C10orf90: variants seen among roughly 807,000 people sequenced by gnomAD.
The protein encoded by C10orf90 is chromosome 10 open reading frame 90.
C10orf90 carries 56 observed loss-of-function variants against 62.5 expected under a neutral mutation model. The ratio of observed to expected loss-of-function variants is 0.90; its 90% CI spans 0.72 to 1.12. C10orf90 has a LOEUF of 1.12. C10orf90 is among the 50% of genes most tolerant of loss of function. The probability of loss-of-function intolerance (pLI) is 0.00; values close to 1 mark genes in which losing one functional copy is unlikely to be tolerated. For missense variants in C10orf90, 970 were observed against 880.4 expected, an observed-to-expected ratio of 1.10 and a Z score of -1.29; for synonymous variants, 386 against 340.4, an observed-to-expected ratio of 1.13 and a Z score of -1.47.
rs1290174114 is a variant in C10orf90, at chr10:126,504,563, G to C, written c.928C>G (p.His310Asp). Residue 310 changes from histidine to aspartate, a missense_variant, in exon 4 of 10, where the codon CAC (histidine) becomes GAC (aspartate). His to Asp is a moderately conservative substitution (Grantham distance 81, BLOSUM62 -1). Coordinates refer to ENST00000488181, the MANE Select transcript of C10orf90 (RefSeq NM_001350921.2). The surrounding 1 kb of genome is among the most constrained non-coding windows in gnomAD (Gnocchi z 4.1). Reference sequence around the variant, plus strand: ...TTGCGTCTCTCACACAACCCAGTGTGGGCCTCGGGAACCTTCAGCCGCACC... The same window carrying C: ...TTGCGTCTCTCACACAACCCAGTGTCGGCCTCGGGAACCTTCAGCCGCACC... ...SVVRLKVPEAHTGLCERRKYW... is the reference protein window; with the variant it reads ...SVVRLKVPEADTGLCERRKYW... The C allele has an allele frequency of 1.2e-6, 2 of 1,614,048 alleles. No individual in the cohort carries two copies. The highest frequency in any genetic ancestry group is 2.2e-5 in the East Asian group (1 of 44,868).
chr10:126,503,881 T>G, intron 4 of C10orf90, 76 bp downstream of exon 4: 1 of 1,510,868 alleles, frequency 6.6e-7, no homozygotes. Context: ...AAGTTTTGTA[T>G]AAGAAATTCA....
intron 2 of C10orf90, among the ~76,000 whole-genome samples, chr10:126,571,682 AG>A: frequency 6.6e-6 from 1 of 152,230 alleles, no homozygotes; most frequent in Non-Finnish European, 1.5e-5. Context: ...GGGTGGGTTG[AG>A]GGGGAAGGTA....
chr10:126,649,223 C>T (rs1027789847), intron 1 of C10orf90, among the ~76,000 whole-genome samples: 6 of 152,262 alleles, frequency 3.9e-5, no homozygotes, highest in South Asian at 2.1e-4. Flanking sequence ...GATTCAGGAA[C>T]TTCTTTCGTC....
chr10:126,623,895 G>A (rs1845694283), intron 2 of C10orf90, among the ~76,000 whole-genome samples: 1 of 151,414 alleles, frequency 6.6e-6, no homozygotes, highest in Admixed American at 6.6e-5. Context: ...TTTGCTCCAG[G>A]CTACAGTCCC....
Position 126,456,313 on chromosome 10 carries a change from C to T in C10orf90, c.2188+2727G>A, listed in dbSNP as rs1378011256. On this transcript the variant is annotated intron_variant, in intron 7 of 9. Transcript: ENST00000488181. The surrounding 1 kb of genome is among the most constrained non-coding windows in gnomAD (Gnocchi z 4.9). ...CAAACGAACCCAAAAGTAAAGCTCTCATCGACACATAAATACGGCAGGGAT... is the reference window on the plus strand; with the variant it reads ...CAAACGAACCCAAAAGTAAAGCTCTTATCGACACATAAATACGGCAGGGAT... 1.3e-5 allele frequency among the ~76,000 whole-genome samples: 2 copies of T among 152,234 alleles called. No homozygotes were observed. Among genetic ancestry groups the T allele is most frequent in the Admixed American group, 6.5e-5 (1 of 15,304 alleles).
intron 4 of C10orf90, among the ~76,000 whole-genome samples, chr10:126,480,361 C>A (rs1221089341): frequency 6.6e-6 from 1 of 152,214 alleles, no homozygotes; most frequent in Admixed American, 6.5e-5. Context: ...ATAGTAATTT[C>A]TAATTTGGCA....
At chr10:126,629,011 G>A (rs141146499) in intron 2 of C10orf90, among the ~76,000 whole-genome samples, 3 of 152,242 alleles carry the variant, frequency 2.0e-5, no homozygotes, top group South Asian at 2.1e-4. Flanking sequence ...TGTAAGAATC[G>A]GGGCTCTTAA....
At chr10:126,578,778 C>T (rs1218369578) in intron 2 of C10orf90, among the ~76,000 whole-genome samples, 1 of 152,140 alleles carries the variant, frequency 6.6e-6, no homozygotes, top group African/African-American at 2.4e-5. Flanking sequence ...AATAAATGAA[C>T]ACAATACAAC....
At chr10:126,510,980 TTGCTGCTC>T (rs1863072894) in intron 3 of C10orf90, among the ~76,000 whole-genome samples, 1 of 152,196 alleles carries the variant, frequency 6.6e-6, no homozygotes, top group South Asian at 2.1e-4. Context: ...TTTTTCCCCA[TTGCTGCTC>T]TGCAGCCTAC....
intron 1 of C10orf90, among the ~76,000 whole-genome samples, chr10:126,668,959 T>C (rs1335982274): frequency 6.6e-6 from 1 of 152,146 alleles, no homozygotes; most frequent in African/African-American, 2.4e-5. Context: ...AAAACGAGAA[T>C]GCCAGATCTA....
At chr10:126,662,762 C>T (rs993290436) in intron 1 of C10orf90, among the ~76,000 whole-genome samples, 4 of 150,370 alleles carry the variant, frequency 2.7e-5, no homozygotes, top group African/African-American at 7.4e-5. Flanking sequence ...TGTGTAGACA[C>T]CCTGGCCTGG....
intron 3 of C10orf90, among the ~76,000 whole-genome samples, chr10:126,508,910 T>A (rs1212399105): frequency 6.6e-6 from 1 of 152,104 alleles, no homozygotes; most frequent in African/African-American, 2.4e-5. Flanking sequence ...GAATGTCATC[T>A]CACCCTGGAA....
At chr10:126,617,024 C>T (rs1476920665) in intron 2 of C10orf90, among the ~76,000 whole-genome samples, 1 of 152,174 alleles carries the variant, frequency 6.6e-6, no homozygotes, top group Non-Finnish European at 1.5e-5. Context: ...TCTCGGACAT[C>T]ATTTGCAGTC....
At chr10:126,605,392 C>T (rs549067767) in intron 2 of C10orf90, among the ~76,000 whole-genome samples, 40 of 152,212 alleles carry the variant, frequency 2.6e-4, no homozygotes, top group Non-Finnish European at 5.1e-4. Context: ...AAAGCCCTGC[C>T]AGGTGCAAAA....
At chr10:126,530,554 C>G (rs1864066088) in intron 2 of C10orf90, among the ~76,000 whole-genome samples, 1 of 151,716 alleles carries the variant, frequency 6.6e-6, no homozygotes, top group African/African-American at 2.4e-5. Context: ...ATTAGGACCC[C>G]TATATCTATT....
chr10:126,543,118 C>A (rs1864415349), intron 2 of C10orf90, among the ~76,000 whole-genome samples: 1 of 152,084 alleles, frequency 6.6e-6, no homozygotes, highest in South Asian at 2.1e-4. Context: ...GAACTCCGTA[C>A]AGCAATACAA....
At chr10:126,667,746 G>A (rs945390351) in intron 1 of C10orf90, among the ~76,000 whole-genome samples, 2 of 152,208 alleles carry the variant, frequency 1.3e-5, no homozygotes, top group African/African-American at 4.8e-5. Context: ...ACAGAAGGCA[G>A]AGCTCCAATA....
chr10:126,538,169 G>A (rs1357079106), intron 2 of C10orf90, among the ~76,000 whole-genome samples: 3 of 152,180 alleles, frequency 2.0e-5, no homozygotes. Context: ...CCACATGGCG[G>A]CAGGCAAGAG....
chr10:126,490,636 T>G (rs1003279965), intron 4 of C10orf90, among the ~76,000 whole-genome samples: 9 of 152,126 alleles, frequency 5.9e-5, no homozygotes, highest in African/African-American at 1.7e-4. Context: ...CTTTATATTA[T>G]GTGTATTTTA....
Sources: gnomAD v4.1 joint callset for allele counts (sites outside exome capture counted in the v4.1 genomes callset) on GRCh38, gnomAD v4.1.1 for gene constraint, Gnocchi (gnomAD v3.1) non-coding constraint, MANE v1.5 for transcripts, NCBI Gene and HGNC (gene_info 2026-07-23, HGNC 2026-07-21) for gene names.